Variants in CDH9 observed in about 807,000 individuals in gnomAD.
CDH9 encodes cadherin-9.
CDH9 carries 28 observed loss-of-function variants against 70.9 expected under a neutral mutation model. The ratio of observed to expected loss-of-function variants is 0.40; its 90% CI spans 0.29 to 0.54. The LOEUF is 0.54. CDH9 is among the 20% of genes least tolerant of loss of function. The probability of loss-of-function intolerance (pLI) is 0.59; values close to 1 mark genes in which losing one functional copy is unlikely to be tolerated. For synonymous variants in CDH9, 409 were observed against 343.1 expected (o/e 1.19, Z -2.12); for missense variants, 874 against 984.4 (o/e 0.89, Z 1.50).
In CDH9 at chr5:26,929,802, T is replaced by C. The variant is rs115595611; in HGVS notation, c.229-13878A>G. Among the ~76,000 whole-genome samples the C allele has an allele frequency of 3.0e-3, 463 of 152,102 alleles. 4 individuals carry two copies. Among genetic ancestry groups the C allele is most frequent in the African/African-American group, 9.5e-3 (396 of 41,530 alleles). ...AGATCTCTAAATTAAAACAATTGTG[T>C]TCATGGAGACAGAGAGTAGAATGAT... On this transcript the variant is annotated intron_variant, in intron 2 of 11. Transcript: ENST00000231021.
chr5:26,892,984 T>C (rs6880979), intron 7 of CDH9, among the ~76,000 whole-genome samples: 73,552 of 151,880 alleles, frequency 0.48, 18,343 homozygotes, highest in Middle Eastern at 0.68. Flanking sequence ...CCGCCTGCCT[T>C]GGCCTCCCAA....
chr5:27,002,135 G>A lies in CDH9; in HGVS notation c.-49-13753C>T, dbSNP rs186507677. Among the ~76,000 whole-genome samples the A allele has an allele frequency of 2.0e-3, 307 of 152,182 alleles. 1 individual carries two copies. Among genetic ancestry groups the A allele is most frequent in the Non-Finnish European group, 3.6e-3 (245 of 68,002 alleles). Reference sequence around the variant, plus strand: ...GGATATAAACAGATACTTCCCAAAAGAAGACATTTATGCAGCCAAAAGACA... The same window carrying A: ...GGATATAAACAGATACTTCCCAAAAAAAGACATTTATGCAGCCAAAAGACA... On this transcript the variant is annotated intron_variant, in intron 1 of 11. Coordinates refer to ENST00000231021, the MANE Select transcript of CDH9 (RefSeq NM_016279.4).
At chr5:26,966,261 G>T (rs996983595) in intron 2 of CDH9, among the ~76,000 whole-genome samples, 4 of 152,092 alleles carry the variant, frequency 2.6e-5, no homozygotes, top group Non-Finnish European at 4.4e-5. Flanking sequence ...GATTGACTCT[G>T]GCAAGTGTAT....
chr5:27,015,478 T>A (rs1743032315), intron 1 of CDH9, among the ~76,000 whole-genome samples: 1 of 151,838 alleles, frequency 6.6e-6, no homozygotes. Context: ...TTTTTTCCTA[T>A]GTATTTAGCA....
intron 2 of CDH9, among the ~76,000 whole-genome samples, chr5:26,952,901 C>CAAA (rs70939788): frequency 4.7e-5 from 5 of 105,274 alleles, no homozygotes; most frequent in Admixed American, 9.6e-5. Context: ...GTTTCTATTC[C>CAAA]AAAAAAAAAA....
chr5:26,906,468 ATC>A (rs1740950663), intron 4 of CDH9, among the ~76,000 whole-genome samples: 1 of 152,114 alleles, frequency 6.6e-6, no homozygotes, highest in Non-Finnish European at 1.5e-5. Flanking sequence ...AATGTGCTGA[ATC>A]TCTGTGAAAT....
At chr5:26,990,896 ATTTTGTGT>A (rs1742569275) in intron 1 of CDH9, among the ~76,000 whole-genome samples, 2 of 152,156 alleles carry the variant, frequency 1.3e-5, no homozygotes, top group Non-Finnish European at 2.9e-5. Flanking sequence ...TATGATGCCC[ATTTTGTGT>A]GGAACATAGG....
intron 2 of CDH9, among the ~76,000 whole-genome samples, chr5:26,980,187 A>C (rs572345557): frequency 7.6e-4 from 116 of 151,984 alleles, no homozygotes; most frequent in Non-Finnish European, 1.4e-3. Flanking sequence ...GAAAATATTG[A>C]GGAAGTTGGA....
chr5:26,928,767 G>A (rs560305189), intron 2 of CDH9, among the ~76,000 whole-genome samples: 218 of 151,868 alleles, frequency 1.4e-3, no homozygotes, highest in Non-Finnish European at 2.2e-3. Flanking sequence ...AATAAATAAC[G>A]TTGGGAAAAC....
chr5:26,950,793 A>G (rs962046878), intron 2 of CDH9, among the ~76,000 whole-genome samples: 3 of 152,172 alleles, frequency 2.0e-5, no homozygotes, highest in African/African-American at 7.2e-5. Flanking sequence ...GTGAAGAAAA[A>G]TCTTGTTAAA....
intron 2 of CDH9, among the ~76,000 whole-genome samples, chr5:26,945,691 T>C (rs1225855427): frequency 6.6e-6 from 1 of 152,176 alleles, no homozygotes; most frequent in African/African-American, 2.4e-5. Flanking sequence ...TTATTGATTA[T>C]TCTAATTTTT....
chr5:27,036,489 T>C (rs988441621), intron 1 of CDH9, among the ~76,000 whole-genome samples: 4 of 151,958 alleles, frequency 2.6e-5, no homozygotes, highest in African/African-American at 9.7e-5. Flanking sequence ...AACAGTAGCA[T>C]AGTTATGTAA....
At chr5:26,967,158 T>A (rs1742144254) in intron 2 of CDH9, among the ~76,000 whole-genome samples, 1 of 152,042 alleles carries the variant, frequency 6.6e-6, no homozygotes, top group East Asian at 1.9e-4. Context: ...CTCACTACCT[T>A]TCCCAGGTTG....
At chr5:26,987,097 T>C (rs1742501128) in intron 2 of CDH9, among the ~76,000 whole-genome samples, 1 of 62,438 alleles carries the variant, frequency 1.6e-5, no homozygotes, top group Admixed American at 1.4e-4. Flanking sequence ...TATTCTTTTT[T>C]TTTTTTTTTT....
intron 2 of CDH9, among the ~76,000 whole-genome samples, chr5:26,954,388 C>CTTTTTTTTTT (rs59882843): frequency 0.19 from 17,878 of 92,596 alleles, 4,027 homozygotes; most frequent in East Asian, 0.55. Context: ...TACAGCCTTT[C>CTTTTTTTTTT]TTTTTTTTTT....
intron 7 of CDH9, among the ~76,000 whole-genome samples, chr5:26,899,800 G>A (rs570653406): frequency 2.4e-4 from 37 of 151,366 alleles, no homozygotes; most frequent in African/African-American, 6.6e-4. Context: ...GCAAACCACC[G>A]TAGCACGTGT....
intron 1 of CDH9, among the ~76,000 whole-genome samples, chr5:27,029,128 T>G (rs1031003946): frequency 1.3e-5 from 2 of 152,002 alleles, no homozygotes; most frequent in Non-Finnish European, 2.9e-5. Flanking sequence ...GGAAACTTTT[T>G]TTTTCTATAC....
chr5:26,917,492 A>G (rs1185238454), intron 2 of CDH9, among the ~76,000 whole-genome samples: 2 of 152,026 alleles, frequency 1.3e-5, no homozygotes, highest in Non-Finnish European at 2.9e-5. Context: ...TACAATTCCC[A>G]TTTACATCCT....
At chr5:26,945,894 C>T (rs775430293) in intron 2 of CDH9, among the ~76,000 whole-genome samples, 14 of 152,210 alleles carry the variant, frequency 9.2e-5, no homozygotes, top group East Asian at 1.9e-4. Context: ...ACTGGGGGAA[C>T]AGGCTTTAGG....
Sources: gnomAD v4.1 joint callset for allele counts (sites outside exome capture counted in the v4.1 genomes callset) on GRCh38, gnomAD v4.1.1 for gene constraint, MANE v1.5 for transcripts, NCBI Gene and HGNC (gene_info 2026-07-23, HGNC 2026-07-21) for gene names.